Variants in DLG2 observed in about 807,000 individuals in gnomAD.
DLG2 encodes the protein discs large MAGUK scaffold protein 2.
In DLG2, 45 loss-of-function variants were observed where a neutral mutation model predicts 132.5. That is an observed-to-expected ratio of 0.34 (90% CI 0.27 to 0.44). The LOEUF (loss-of-function observed/expected upper bound fraction) is 0.44. DLG2 is among the 20% of genes least tolerant of loss of function. The probability of loss-of-function intolerance (pLI) is 1.00; values close to 1 mark genes in which losing one functional copy is unlikely to be tolerated. For missense variants in DLG2, 1,045 were observed against 1,196.9 expected (o/e 0.87, Z 1.87); for synonymous variants, 424 against 419.6 (o/e 1.01, Z -0.13).
chr11:83,596,603 C>T (rs1351333146), intron 19 of DLG2, among the ~76,000 whole-genome samples: 1 of 152,212 alleles, frequency 6.6e-6, no homozygotes, highest in Non-Finnish European at 1.5e-5. Context: ...GTCTACATCA[C>T]TCCTCTGCTC....
chr11:84,211,727 T>C (rs2096757914), intron 8 of DLG2, among the ~76,000 whole-genome samples: 1 of 152,248 alleles, frequency 6.6e-6, no homozygotes, highest in African/African-American at 2.4e-5. Context: ...AAAACTATTT[T>C]ATTTAGTTTT....
In DLG2 at chr11:83,844,297, T is replaced by C. The variant is rs375433225; in HGVS notation, c.1566-10527A>G. Among the ~76,000 whole-genome samples, 13 of 147,620 alleles carry C rather than the reference T, an allele frequency of 8.8e-5. No homozygotes were observed. The East Asian group carries it at 2.2e-3, about 25-fold the overall frequency. On this transcript the variant is annotated intron_variant, in intron 16 of 27. Transcript: ENST00000376104. ...TGGCTCACGCCTGTAGTAATCTCAG[T>C]ACTTTGGGAGGCCGAGGCGGGTGGA...
At chr11:85,173,865 A>T (rs571239323) in intron 4 of DLG2, among the ~76,000 whole-genome samples, 88 of 152,260 alleles carry the variant, frequency 5.8e-4, no homozygotes, top group African/African-American at 1.9e-3. Context: ...AAGATCAAAA[A>T]AGATAAAGAA....
At chr11:84,880,368 C>T (rs969605018) in intron 6 of DLG2, among the ~76,000 whole-genome samples, 2 of 152,068 alleles carry the variant, frequency 1.3e-5, no homozygotes, top group African/African-American at 4.8e-5. Context: ...GCCCAGCCAC[C>T]GGGTGACTTA....
rs569394025 is a variant in DLG2, at chr11:84,036,281, T to A, written c.919+23034A>T. ...TTATCTACTTGTATATCGTCACAGA[T>A]AAATCTTGGGAGCACATTATTGGAA... On this transcript the variant is annotated intron_variant, in intron 11 of 27. Coordinates refer to ENST00000376104, the MANE Select transcript of DLG2 (RefSeq NM_001142699.3). Among the ~76,000 whole-genome samples, 23 of 152,246 alleles carry A rather than the reference T, an allele frequency of 1.5e-4. No individual in the cohort carries two copies. In the South Asian group the frequency reaches 4.4e-3, roughly 29 times the overall value.
intron 3 of DLG2, among the ~76,000 whole-genome samples, chr11:85,295,392 C>T (rs2079152462): frequency 6.6e-6 from 1 of 152,082 alleles, no homozygotes; most frequent in Non-Finnish European, 1.5e-5. Context: ...TAGCATTTGC[C>T]ATTTACCAGC....
intron 17 of DLG2, among the ~76,000 whole-genome samples, chr11:83,816,366 ACTGT>A (rs1382424117): frequency 1.3e-5 from 2 of 152,274 alleles, no homozygotes; most frequent in South Asian, 2.1e-4. Context: ...ATTTTCCCAG[ACTGT>A]CTGTCTTAGC....
At chr11:85,109,351 T>G (rs1303505388) in intron 6 of DLG2, among the ~76,000 whole-genome samples, 1 of 152,104 alleles carries the variant, frequency 6.6e-6, no homozygotes, top group Non-Finnish European at 1.5e-5. Context: ...ACTTTCTGAT[T>G]CTCTCACCTG....
intron 19 of DLG2, among the ~76,000 whole-genome samples, chr11:83,623,921 T>C (rs572680441): frequency 3.9e-5 from 6 of 152,298 alleles, no homozygotes; most frequent in African/African-American, 1.4e-4. Flanking sequence ...TCTGTTCTCC[T>C]TTTTAGCTAG....
At chr11:85,165,064 T>A (rs2078335933) in intron 4 of DLG2, among the ~76,000 whole-genome samples, 1 of 152,186 alleles carries the variant, frequency 6.6e-6, no homozygotes, top group Non-Finnish European at 1.5e-5. Flanking sequence ...TTTGAAAACC[T>A]CTGATCTAGT....
chr11:85,360,677 A>C (rs984357224), intron 3 of DLG2, among the ~76,000 whole-genome samples: 2 of 152,120 alleles, frequency 1.3e-5, no homozygotes, highest in Non-Finnish European at 2.9e-5. Context: ...TCCAGTTTTA[A>C]ATTACCAGGA....
chr11:85,217,618 T>G (rs2082709081), intron 4 of DLG2, among the ~76,000 whole-genome samples: 1 of 152,168 alleles, frequency 6.6e-6, no homozygotes, highest in African/African-American at 2.4e-5. Context: ...CTCACCTGAA[T>G]TATCCCAGCT....
chr11:85,024,357 C>T (rs553117922), intron 6 of DLG2, among the ~76,000 whole-genome samples: 2 of 152,126 alleles, frequency 1.3e-5, no homozygotes, highest in African/African-American at 4.8e-5. Flanking sequence ...TGTTAAACAA[C>T]CTCAAGGTAA....
chr11:84,915,127 T>C (rs910063274), intron 6 of DLG2, among the ~76,000 whole-genome samples: 15 of 152,290 alleles, frequency 9.8e-5, no homozygotes, highest in Middle Eastern at 3.4e-3. Context: ...CTAATTGAGG[T>C]TGTATTTTTC....
intron 21 of DLG2, among the ~76,000 whole-genome samples, chr11:83,513,142 C>T (rs150087529): frequency 0.011 from 1,745 of 152,284 alleles, 35 homozygotes; most frequent in African/African-American, 0.04. Context: ...AGTTTATAGT[C>T]CCACCAGCAG....
At chr11:83,705,740 C>T (rs2083813645) in intron 18 of DLG2, among the ~76,000 whole-genome samples, 1 of 151,890 alleles carries the variant, frequency 6.6e-6, no homozygotes, top group Admixed American at 6.6e-5. Flanking sequence ...TTAAAATATG[C>T]CATAAAAGAT....
At chr11:83,821,333 T>C (rs989174180) in intron 17 of DLG2, among the ~76,000 whole-genome samples, 4 of 152,160 alleles carry the variant, frequency 2.6e-5, no homozygotes, top group African/African-American at 9.7e-5. Context: ...GGTCATTGCA[T>C]GTGGTGGAGT....
chr11:83,758,952 C>G (rs1224201315), intron 18 of DLG2, among the ~76,000 whole-genome samples: 2 of 152,176 alleles, frequency 1.3e-5, no homozygotes, highest in East Asian at 3.9e-4. Flanking sequence ...TCCAAGGCCA[C>G]AGAGAAAGTA....
chr11:83,584,437 G>C (rs955428478), intron 19 of DLG2, among the ~76,000 whole-genome samples: 7 of 152,190 alleles, frequency 4.6e-5, no homozygotes, highest in Non-Finnish European at 1.0e-4. Flanking sequence ...CACCAAAAAT[G>C]AATAACTTAA....
Sources: gnomAD v4.1 joint callset for allele counts (sites outside exome capture counted in the v4.1 genomes callset) on GRCh38, gnomAD v4.1.1 for gene constraint, MANE v1.5 for transcripts, NCBI Gene and HGNC (gene_info 2026-07-23, HGNC 2026-07-21) for gene names.